The following RYR1 variants were observed in gnomAD, a reference collection of about 807,000 sequenced individuals.
The protein encoded by RYR1 is central core disease of muscle.
RYR1 carries 342 observed loss-of-function variants against 583.5 expected under a neutral mutation model. The ratio of observed to expected loss-of-function variants is 0.59; its 90% CI spans 0.54 to 0.64. RYR1 has a LOEUF of 0.64. Among genes scored for constraint, RYR1 ranks in the 30% least tolerant of loss-of-function variants. The pLI is 0.00. For synonymous variants in RYR1, 2,791 were observed against 2,822.5 expected (o/e 0.99, Z 0.35); for missense variants, 6,032 against 6,917.2 (o/e 0.87, Z 4.54).
In RYR1 at chr19:38,444,384, T is replaced by G; in HGVS notation, c.537+123T>G. 1.1e-6 allele frequency: 1 copy of G among 911,986 alleles called. No homozygotes were observed. The highest frequency in any genetic ancestry group is 1.8e-6 in the Non-Finnish European group (1 of 564,668). The allele number at this position is 911,986 out of a possible 1,614,324, so 56.5% of individuals were successfully genotyped here. A position where few individuals can be genotyped will look rare whatever the true frequency, so the allele number is the denominator to read the frequency against. ...AAGGTCCTGACTCCCAATTTCCCAT[T>G]TCCTGACCCCTGACATCCAATTTTC... On this transcript the variant is annotated intron_variant, in intron 6 of 105. Coordinates refer to ENST00000359596, the MANE Select transcript of RYR1 (RefSeq NM_000540.3). This position sits in a 1 kb window ranked among gnomAD's most constrained non-coding sequence, Gnocchi z 5.1.
rs1216300445 is a variant in RYR1, at chr19:38,504,799, G to A, written c.8119G>A (p.Ala2707Thr). 2 of 1,613,984 alleles carry A rather than the reference G, an allele frequency of 1.2e-6. No individual in the cohort carries two copies. Among genetic ancestry groups the A allele is most frequent in the Non-Finnish European group, 1.7e-6 (2 of 1,180,024 alleles). Residue 2707 changes from alanine (A) to threonine (T), a missense_variant, in exon 51 of 106, where the codon GCC becomes ACC. Coordinates refer to ENST00000359596, the MANE Select transcript of RYR1 (RefSeq NM_000540.3). The part of the protein sequence containing the change: ...RMAMPCLCAI[A>T]GALPPDYVDA... ...GGCCATGCCTTGTCTGTGCGCCATT[G>A]CCGGGGCTCTGCCCCCCGACTATGT...
At position 38,454,370 on chromosome 19, in the gene RYR1, T is replaced by G. The variant is rs559526844; in HGVS notation, c.1441-865T>G. ...TGTCCTTTTTGTTGATTTCACTGTT[T>G]ATAATGTCTCCCAAGTGTAGTGCTG... On this transcript the variant is annotated intron_variant, in intron 13 of 105. Transcript: ENST00000359596. Among the ~76,000 whole-genome samples the G allele has an allele frequency of 3.9e-5, 6 of 152,354 alleles. No individual in the cohort carries two copies. The East Asian group carries it at 1.2e-3, about 29-fold the overall frequency.
chr19:38,562,170 G>A (rs1973175214), intron 90 of RYR1, among the ~76,000 whole-genome samples: 1 of 152,026 alleles, frequency 6.6e-6, no homozygotes, highest in Non-Finnish European at 1.5e-5. Flanking sequence ...GCTCACCCAT[G>A]CACACTTGGG....
chr19:38,464,933 G>A (rs1968014621), intron 23 of RYR1, among the ~76,000 whole-genome samples: 1 of 152,002 alleles, frequency 6.6e-6, no homozygotes, highest in Non-Finnish European at 1.5e-5. Flanking sequence ...GAGAGAGAGG[G>A]AGGGTATGAG....
intron 76 of RYR1, among the ~76,000 whole-genome samples, chr19:38,531,821 C>G (rs1971751100): frequency 6.6e-6 from 1 of 152,118 alleles, no homozygotes; most frequent in Non-Finnish European, 1.5e-5. Flanking sequence ...TGGGAGATCA[C>G]TTGAGCCTGG....
chr19:38,485,482 T>A (rs574292166), intron 33 of RYR1, 108 bp from the exon 34 acceptor site: 7 of 1,455,864 alleles, frequency 4.8e-6, no homozygotes, highest in African/African-American at 1.4e-5. Context: ...GAAAGACGAA[T>A]GAATAAATGG....
Position 38,490,707 on chromosome 19 carries a change from T to G in RYR1, c.6102T>G (p.Phe2034Leu). ...AGATTCGACAGGATTTGCTTGACTT[T>G]CATCAAGACCTGCTGGCACACTGTG... ...PEEIRQDLLD[F>L]HQDLLAHCGI... Residue 2034 changes from phenylalanine (F) to leucine (L), a missense_variant, in exon 37 of 106, where the codon TTT (phenylalanine) becomes TTG (leucine). By Grantham distance (22) the Phe-to-Leu change is conservative (BLOSUM62 0). This residue lies in a region of RYR1 where 2,627 missense variants were observed against 2,961.3 expected (regional missense o/e 0.89). Coordinates refer to ENST00000359596, the MANE Select transcript of RYR1 (RefSeq NM_000540.3). The G allele has an allele frequency of 1.2e-6, 2 of 1,613,288 alleles. No individual in the cohort carries two copies. Among genetic ancestry groups the G allele is most frequent in the Non-Finnish European group, 1.7e-6 (2 of 1,179,170 alleles).
intron 23 of RYR1, among the ~76,000 whole-genome samples, chr19:38,465,705 AG>A: frequency 6.6e-6 from 1 of 152,160 alleles, no homozygotes; most frequent in East Asian, 1.9e-4. Flanking sequence ...TGGAGGTTGC[AG>A]TGAGCCGAGA....
intron 82 of RYR1, 94 bp downstream of exon 82, chr19:38,536,164 T>A (rs1395124845): frequency 1.9e-6 from 2 of 1,077,466 alleles, no homozygotes; most frequent in Admixed American, 5.0e-5. Flanking sequence ...AGAGCTCCCT[T>A]CCTCCAAGAC....
At chr19:38,467,173 G>T (rs1968157190) in intron 24 of RYR1, among the ~76,000 whole-genome samples, 1 of 151,970 alleles carries the variant, frequency 6.6e-6, no homozygotes, top group Admixed American at 6.6e-5. Flanking sequence ...CCCAAACCCT[G>T]GCCATGGTCC....
intron 29 of RYR1, 40 bp from the exon 30 acceptor site, chr19:38,477,670 C>T: frequency 6.2e-7 from 1 of 1,613,952 alleles, no homozygotes; most frequent in Non-Finnish European, 8.5e-7. Context: ...GAGTCCCTGA[C>T]TTCCAGACTG....
intron 31 of RYR1, among the ~76,000 whole-genome samples, chr19:38,482,545 G>A (rs963986262): frequency 5.9e-5 from 9 of 152,104 alleles, no homozygotes; most frequent in African/African-American, 2.2e-4. Context: ...CGACCTCCCA[G>A]GATCAAGCGA....
chr19:38,505,136 C>G, intron 52 of RYR1, 55 bp downstream of exon 52: 2 of 1,522,376 alleles, frequency 1.3e-6, no homozygotes, highest in Non-Finnish European at 1.8e-6. Context: ...GCTTTCCCCC[C>G]GACCTGGTTC....
chr19:38,508,372 CA>C (rs1970576290), intron 58 of RYR1, among the ~76,000 whole-genome samples: 2 of 152,058 alleles, frequency 1.3e-5, no homozygotes, highest in South Asian at 4.1e-4. Flanking sequence ...CCGCCACACC[CA>C]GCTAATTTTT....
chr19:38,575,480 A>G (rs2145880565), intron 96 of RYR1, among the ~76,000 whole-genome samples: 1 of 152,102 alleles, frequency 6.6e-6, no homozygotes, highest in Non-Finnish European at 1.5e-5. Context: ...CCTGGCCAAC[A>G]TGGCAAAACC....
At chr19:38,541,624 G>GTGGATC (rs1193360687) in intron 84 of RYR1, among the ~76,000 whole-genome samples, 1 of 151,286 alleles carries the variant, frequency 6.6e-6, no homozygotes. Flanking sequence ...GCTGAGGCAG[G>GTGGATC]AGAATTGCTT....
chr19:38,519,071 G>T, intron 66 of RYR1, 143 bp from the exon 67 acceptor site: 1 of 1,352,214 alleles, frequency 7.4e-7, no homozygotes, highest in Non-Finnish European at 1.0e-6. Context: ...AGTGTTCAGG[G>T]ACTATATCCA....
intron 93 of RYR1, among the ~76,000 whole-genome samples, chr19:38,568,609 A>G (rs1284494338): frequency 2.0e-5 from 3 of 149,956 alleles, no homozygotes; most frequent in Admixed American, 6.6e-5. Context: ...AAAATTAGCC[A>G]GCCATAGTGG....
At chr19:38,468,482 T>C (rs1290515459) in intron 25 of RYR1, among the ~76,000 whole-genome samples, 1 of 152,230 alleles carries the variant, frequency 6.6e-6, no homozygotes, top group East Asian at 1.9e-4. Flanking sequence ...TTGTTCTTTC[T>C]CTGTATCAAC....
Sources: gnomAD v4.1 joint callset for allele counts (sites outside exome capture counted in the v4.1 genomes callset) on GRCh38, gnomAD v4.1.1 for gene constraint, gnomAD v4.1.1 regional missense constraint, Gnocchi (gnomAD v3.1) non-coding constraint, MANE v1.5 for transcripts, NCBI Gene and HGNC (gene_info 2026-07-23, HGNC 2026-07-21) for gene names.